The following MBNL1 variants were observed in gnomAD, a reference collection of about 807,000 sequenced individuals.
The protein encoded by MBNL1 is muscleblind-like protein 1.
In MBNL1, 8 loss-of-function variants were observed where a neutral mutation model predicts 42.2. That is an observed-to-expected ratio of 0.19 (90% confidence interval 0.11 to 0.34). The LOEUF is 0.34. MBNL1 is among the 10% of genes least tolerant of loss of function. The pLI, the probability that MBNL1 is intolerant of heterozygous loss-of-function variation, is 1.00. For missense variants in MBNL1, 309 were observed against 495.3 expected (o/e 0.62, Z 3.57); for synonymous variants, 169 against 173.9 (o/e 0.97, Z 0.22).
At chr3:152,297,140 A>G (rs1284219518) in intron 1 of MBNL1, among the ~76,000 whole-genome samples, 3 of 152,052 alleles carry the variant, frequency 2.0e-5, no homozygotes, top group African/African-American at 7.2e-5. Flanking sequence ...GAGTAAAGAC[A>G]TTGTTGACCA....
At chr3:152,396,324 G>A (rs77708202) in intron 2 of MBNL1, 47 of 171,194 alleles carry the variant, frequency 2.7e-4, no homozygotes, top group African/African-American at 9.8e-4. Context: ...CAAACCATCC[G>A]CCACTCCACC....
At chr3:152,420,625 A>G (rs570798410) in intron 3 of MBNL1, among the ~76,000 whole-genome samples, 1 of 152,224 alleles carries the variant, frequency 6.6e-6, no homozygotes, top group Non-Finnish European at 1.5e-5. Flanking sequence ...CACCAACATC[A>G]AAGACCAAAG....
At chr3:152,415,567 C>G (rs1270590666) in intron 3 of MBNL1, among the ~76,000 whole-genome samples, 1 of 152,132 alleles carries the variant, frequency 6.6e-6, no homozygotes, top group Admixed American at 6.6e-5. Flanking sequence ...TGAAAAGGTA[C>G]CTTTCTTGTT....
At chr3:152,318,941 A>G (rs1221330335) in intron 2 of MBNL1, among the ~76,000 whole-genome samples, 1 of 152,178 alleles carries the variant, frequency 6.6e-6, no homozygotes, top group Non-Finnish European at 1.5e-5. Flanking sequence ...AAAACTTGGA[A>G]TACAACCTAC....
chr3:152,262,514 A>G (rs2036466460), intron 2 of MBNL1: 1 of 152,208 alleles, frequency 6.6e-6, no homozygotes, highest in Non-Finnish European at 1.5e-5. Context: ...CAAGAATACA[A>G]TGAGTAAGTA....
Position 152,341,792 on chromosome 3 carries a change from A to G in MBNL1, c.174+41425A>G, listed in dbSNP as rs75476385. Reference sequence around the variant, plus strand: ...AAAATAAAGTGTGTACAGAGCAGCTAAAAGAGGTGGCAAATATAGGGATGA... The same window carrying G: ...AAAATAAAGTGTGTACAGAGCAGCTGAAAGAGGTGGCAAATATAGGGATGA... On this transcript the variant is annotated intron_variant, in intron 2 of 9. Coordinates refer to ENST00000324210, the MANE Select transcript of MBNL1 (RefSeq NM_021038.5). 4.1e-3 allele frequency among the ~76,000 whole-genome samples: 627 copies of G among 152,332 alleles called. 3 individuals carry two copies. The highest frequency in any genetic ancestry group is 0.014 in the African/African-American group (585 of 41,572).
intron 2 of MBNL1, among the ~76,000 whole-genome samples, chr3:152,339,121 C>G (rs890314777): frequency 6.6e-6 from 1 of 151,890 alleles, no homozygotes; most frequent in Admixed American, 6.6e-5. Context: ...TTCTTAAATC[C>G]ATAATTAATT....
In MBNL1 at chr3:152,269,034, C is replaced by T. The variant is rs1329341423; in HGVS notation, c.-848C>T. ...GCGGGCATCTTGGAATCATGACTCC[C>T]ACAATGCCTTGGGCACTTGGTCGAC... On this transcript the variant is annotated 5_prime_UTR_variant, in exon 1 of 10. Coordinates refer to ENST00000324210, the MANE Select transcript of MBNL1 (RefSeq NM_021038.5). 1 of 456,228 alleles carries T rather than the reference C, an allele frequency of 2.2e-6. No homozygotes were observed. Among genetic ancestry groups the T allele is most frequent in the South Asian group, 1.5e-5 (1 of 64,562 alleles). 28.3% of individuals were successfully genotyped at this position (456,228 alleles called of 1,614,324 possible). A position where few individuals can be genotyped will look rare whatever the true frequency, so the allele number is the denominator to read the frequency against.
chr3:152,354,233 T>C (rs2095333989), intron 2 of MBNL1, among the ~76,000 whole-genome samples: 1 of 152,148 alleles, frequency 6.6e-6, no homozygotes, highest in African/African-American at 2.4e-5. Context: ...GGTGGAAGGA[T>C]TACTTGAGCC....
chr3:152,264,449 A>C (rs1037896006), upstream of MBNL1: 7 of 152,210 alleles, frequency 4.6e-5, no homozygotes, highest in Non-Finnish European at 7.3e-5. Context: ...ACCTCCTTAC[A>C]TTAAACTGGG....
chr3:152,268,843 G>A (rs1031292807), upstream of MBNL1: 1 of 453,592 alleles, frequency 2.2e-6, no homozygotes, highest in South Asian at 1.6e-5. Context: ...GGGCTTCCTG[G>A]TGGGGCTGGG....
chr3:152,325,745 TAA>T (rs569447201), intron 2 of MBNL1, among the ~76,000 whole-genome samples: 9 of 138,914 alleles, frequency 6.5e-5, no homozygotes, highest in African/African-American at 2.1e-4. Context: ...TTAGAAATAT[TAA>T]AAAAAAAAAA....
chr3:152,361,000 A>G (rs763485750), intron 2 of MBNL1, among the ~76,000 whole-genome samples: 4 of 152,200 alleles, frequency 2.6e-5, no homozygotes, highest in Admixed American at 6.5e-5. Flanking sequence ...TGAAGGTTTC[A>G]ATGGGTACAT....
At chr3:152,387,204 C>A (rs2097477480) in intron 2 of MBNL1, among the ~76,000 whole-genome samples, 1 of 148,710 alleles carries the variant, frequency 6.7e-6, no homozygotes, top group African/African-American at 2.5e-5. Flanking sequence ...AGCGCTTTAT[C>A]TGAAAGCTTC....
rs368986292 is a variant in MBNL1, at chr3:152,407,480, T to C, written c.175-7461T>C. ...GGGGATGCTAGGCATTTGTTGCTGG[T>C]GTTACCTGAAAGACCAATGAAGAAA... On this transcript the variant is annotated intron_variant, in intron 2 of 9. Transcript: ENST00000324210. 1.1e-3 allele frequency among the ~76,000 whole-genome samples: 162 copies of C among 152,222 alleles called. 1 individual carries two copies. The highest frequency in any genetic ancestry group is 3.7e-3 in the African/African-American group (154 of 41,548).
chr3:152,453,907 T>C (rs1176262702), intron 6 of MBNL1, among the ~76,000 whole-genome samples: 1 of 152,184 alleles, frequency 6.6e-6, no homozygotes, highest in East Asian at 1.9e-4. Context: ...ACCTGTACAA[T>C]ATTTAAACTG....
intron 3 of MBNL1, among the ~76,000 whole-genome samples, chr3:152,431,618 T>A (rs2099007909): frequency 6.6e-6 from 1 of 152,208 alleles, no homozygotes; most frequent in African/African-American, 2.4e-5. Flanking sequence ...ATTCTGTTCA[T>A]TACTGCTGAG....
At chr3:152,355,157 G>A (rs1481032347) in intron 2 of MBNL1, among the ~76,000 whole-genome samples, 1 of 152,096 alleles carries the variant, frequency 6.6e-6, no homozygotes, top group Non-Finnish European at 1.5e-5. Context: ...TCCAGTCTCT[G>A]CCCAAATGCC....
intron 1 of MBNL1, among the ~76,000 whole-genome samples, chr3:152,289,171 CA>C (rs967080869): frequency 4.0e-5 from 6 of 151,890 alleles, no homozygotes; most frequent in Admixed American, 1.3e-4. Context: ...CACTCATAAG[CA>C]TAGCTTTTTA....
Sources: gnomAD v4.1 joint callset for allele counts (sites outside exome capture counted in the v4.1 genomes callset) on GRCh38, gnomAD v4.1.1 for gene constraint, MANE v1.5 for transcripts, NCBI Gene and HGNC (gene_info 2026-07-23, HGNC 2026-07-21) for gene names.